Variants in SGMS1 observed in about 807,000 individuals in gnomAD.
SGMS1 encodes sphingomyelin synthase 1.
In SGMS1, 13 loss-of-function variants were observed where a neutral mutation model predicts 46.2. The ratio of observed to expected loss-of-function variants is 0.28; its 90% confidence interval spans 0.18 to 0.45. The LOEUF is 0.45. Among genes scored for constraint, SGMS1 ranks in the 20% least tolerant of loss-of-function variants. The pLI is 1.00. For synonymous variants in SGMS1, 203 were observed against 187.8 expected (o/e 1.08, Z -0.66); for missense variants, 324 against 519.9 (o/e 0.62, Z 3.66).
At chr10:50,486,017 C>A (rs887609040) in intron 3 of SGMS1, among the ~76,000 whole-genome samples, 1 of 152,092 alleles carries the variant, frequency 6.6e-6, no homozygotes, top group African/African-American at 2.4e-5. Flanking sequence ...TAAGAGCAAA[C>A]CTCTACAACC....
intron 1 of SGMS1, among the ~76,000 whole-genome samples, chr10:50,600,776 C>A (rs187325944): frequency 2.2e-3 from 341 of 152,244 alleles, no homozygotes; most frequent in Non-Finnish European, 3.9e-3. Flanking sequence ...ACTAAGAACA[C>A]GTTAATTTTT....
intron 6 of SGMS1, chr10:50,418,627 T>C (rs1402670791): frequency 6.6e-6 from 1 of 152,156 alleles, no homozygotes; most frequent in Admixed American, 6.5e-5. Flanking sequence ...TAGAAAAGGG[T>C]AGGTTGCCTT....
intron 7 of SGMS1, among the ~76,000 whole-genome samples, chr10:50,341,942 A>G (rs532075760): frequency 3.3e-5 from 5 of 152,358 alleles, no homozygotes; most frequent in Non-Finnish European, 7.3e-5. Flanking sequence ...GTTCTGTGAA[A>G]GATTCTGATT....
chr10:50,599,322 T>TC (rs1838626707), intron 1 of SGMS1, among the ~76,000 whole-genome samples: 1 of 152,246 alleles, frequency 6.6e-6, no homozygotes, highest in Non-Finnish European at 1.5e-5. Flanking sequence ...TCAGTCTCAC[T>TC]CTGCCTTCTT....
At chr10:50,475,746 T>C (rs1377713199) in intron 3 of SGMS1, among the ~76,000 whole-genome samples, 1 of 152,038 alleles carries the variant, frequency 6.6e-6, no homozygotes, top group East Asian at 1.9e-4. Context: ...TGTTAAAAAG[T>C]GTGTAGCATC....
At chr10:50,454,301 A>C (rs1837162376) in intron 5 of SGMS1, among the ~76,000 whole-genome samples, 1 of 152,138 alleles carries the variant, frequency 6.6e-6, no homozygotes, top group African/African-American at 2.4e-5. Flanking sequence ...TAAGAAGGGA[A>C]TAGAACTATG....
chr10:50,594,955 G>A (rs972067577), intron 1 of SGMS1, among the ~76,000 whole-genome samples: 3 of 152,120 alleles, frequency 2.0e-5, no homozygotes, highest in Non-Finnish European at 4.4e-5. Flanking sequence ...TGAGGTACAG[G>A]AAGGAATTCA....
chr10:50,586,566 C>G (rs1206624576), intron 2 of SGMS1, among the ~76,000 whole-genome samples: 1 of 152,248 alleles, frequency 6.6e-6, no homozygotes, highest in Non-Finnish European at 1.5e-5. Flanking sequence ...TTGACATGTT[C>G]TGCACAGTCT....
At position 50,336,680 on chromosome 10, in the gene SGMS1, A is replaced by T. The variant is rs112266992; in HGVS notation, c.623+6812T>A. ...AAAAAAAAATACATCTCCAAAGGAC[A>T]GATGCCTATAATACCAGGAAATTTA... On this transcript the variant is annotated intron_variant, in intron 7 of 10. Coordinates refer to ENST00000361781, the MANE Select transcript of SGMS1 (RefSeq NM_147156.4). Among the ~76,000 whole-genome samples, 351 of 152,338 alleles carry T rather than the reference A, an allele frequency of 2.3e-3. 1 individual carries two copies. Among genetic ancestry groups the T allele is most frequent in the African/African-American group, 7.8e-3 (323 of 41,564 alleles).
chr10:50,387,706 T>G (rs958495865), intron 6 of SGMS1, among the ~76,000 whole-genome samples: 1 of 152,212 alleles, frequency 6.6e-6, no homozygotes, highest in African/African-American at 2.4e-5. Flanking sequence ...AATCCTTAGC[T>G]AAATTAAATT....
intron 1 of SGMS1, among the ~76,000 whole-genome samples, chr10:50,612,976 C>T (rs1259739612): frequency 6.6e-6 from 1 of 152,162 alleles, no homozygotes; most frequent in African/African-American, 2.4e-5. Flanking sequence ...AGAAAGTAAA[C>T]TCTTAAGTAC....
intron 1 of SGMS1, among the ~76,000 whole-genome samples, chr10:50,596,437 C>A (rs576907625): frequency 6.6e-6 from 1 of 152,354 alleles, no homozygotes; most frequent in Non-Finnish European, 1.5e-5. Context: ...CTCGGCCTCC[C>A]AAAGTGCTGG....
chr10:50,388,111 G>T (rs958631569), intron 6 of SGMS1, among the ~76,000 whole-genome samples: 2 of 152,156 alleles, frequency 1.3e-5, no homozygotes, highest in Non-Finnish European at 2.9e-5. Context: ...GAGAGGGAAG[G>T]AAGGAGATAT....
rs74132711 is a variant in SGMS1 at position 50,420,200 on chromosome 10, T to C, written c.-232+13276A>G. Reference sequence around the variant, plus strand: ...AAATCTCTCTTGACTCTCATATTCCTCATAAAGGTAATGTTACTCTCCTAG... The same window carrying C: ...AAATCTCTCTTGACTCTCATATTCCCCATAAAGGTAATGTTACTCTCCTAG... On this transcript the variant is annotated intron_variant, in intron 6 of 10. Coordinates refer to ENST00000361781, the MANE Select transcript of SGMS1 (RefSeq NM_147156.4). Among the ~76,000 whole-genome samples, 1,312 of 152,344 alleles carry C rather than the reference T, an allele frequency of 8.6e-3. 8 individuals carry two copies. The highest frequency in any genetic ancestry group is 0.029 in the African/African-American group (1,216 of 41,584).
intron 6 of SGMS1, among the ~76,000 whole-genome samples, chr10:50,430,276 T>C (rs970125453): frequency 1.3e-5 from 2 of 152,108 alleles, no homozygotes; most frequent in Admixed American, 6.6e-5. Context: ...TGCAACATTA[T>C]AGACTACGTA....
chr10:50,344,545 G>C (rs945114613), intron 6 of SGMS1, among the ~76,000 whole-genome samples, 200 bp from the exon 7 acceptor site: 1 of 152,136 alleles, frequency 6.6e-6, no homozygotes, highest in Non-Finnish European at 1.5e-5. Flanking sequence ...TCTGAAAATG[G>C]ATGTTGTCAA....
At chr10:50,585,888 G>A (rs1838478969) in intron 2 of SGMS1, among the ~76,000 whole-genome samples, 1 of 152,308 alleles carries the variant, frequency 6.6e-6, no homozygotes, top group East Asian at 1.9e-4. Context: ...AATTTAATGG[G>A]CTCAGATTAC....
At chr10:50,516,187 C>G (rs1178770187) in intron 3 of SGMS1, among the ~76,000 whole-genome samples, 2 of 152,178 alleles carry the variant, frequency 1.3e-5, no homozygotes, top group Non-Finnish European at 2.9e-5. Context: ...AATCAGCAAC[C>G]TCACTTGACA....
intron 9 of SGMS1, among the ~76,000 whole-genome samples, chr10:50,309,892 T>C (rs906658151): frequency 6.6e-6 from 1 of 152,194 alleles, no homozygotes; most frequent in Non-Finnish European, 1.5e-5. Flanking sequence ...TGTCTGTCAC[T>C]TCTCTCCATC....
Sources: gnomAD v4.1 joint callset for allele counts (sites outside exome capture counted in the v4.1 genomes callset) on GRCh38, gnomAD v4.1.1 for gene constraint, MANE v1.5 for transcripts, NCBI Gene and HGNC (gene_info 2026-07-23, HGNC 2026-07-21) for gene names.